KIRREL3: variants seen among roughly 807,000 people sequenced by gnomAD.
KIRREL3 encodes the protein kin of IRRE-like protein 3.
Under a neutral mutation model 89.7 loss-of-function variants are expected in KIRREL3, and 36 were observed. The observed-to-expected ratio is 0.40, with a 90% confidence interval of 0.31 to 0.53. The LOEUF is 0.53. Among genes scored for constraint, KIRREL3 ranks in the 20% least tolerant of loss-of-function variants. KIRREL3 has a pLI of 0.49. For synonymous variants in KIRREL3, 445 were observed against 441.4 expected (o/e 1.01, Z -0.10); for missense variants, 864 against 1,056.6 (o/e 0.82, Z 2.53).
chr11:126,834,133 T>G (rs1410385785), intron 1 of KIRREL3, among the ~76,000 whole-genome samples: 2 of 152,196 alleles, frequency 1.3e-5, no homozygotes, highest in African/African-American at 4.8e-5. Context: ...CTGCAATACA[T>G]AAAGAAATTT....
At chr11:126,450,367 G>A (rs1955999020) in intron 7 of KIRREL3, among the ~76,000 whole-genome samples, 1 of 150,852 alleles carries the variant, frequency 6.6e-6, no homozygotes, top group African/African-American at 2.5e-5. Context: ...ATGTGTGCAT[G>A]TGTGAGTGTG....
In KIRREL3 at chr11:126,989,618, G is replaced by A. The variant is rs1048798211; in HGVS notation, c.55+10837C>T. ...GTTCACGCTGCCTGTGGATCAACTC[G>A]GGATCTCAGACACATCTCGTCACAA... is the stretch of plus-strand genomic sequence containing the variant. On this transcript the variant is annotated intron_variant, in intron 1 of 16. Transcript: ENST00000525144. This position sits in a 1 kb window ranked among gnomAD's most constrained non-coding sequence, Gnocchi z 6.2. Among the ~76,000 whole-genome samples, 1 of 152,102 alleles carries A rather than the reference G, an allele frequency of 6.6e-6. No individual in the cohort carries two copies. The highest frequency in any genetic ancestry group is 1.5e-5 in the Non-Finnish European group (1 of 68,018).
In KIRREL3 at chr11:126,562,133, G is replaced by C. The variant is rs1015959639; in HGVS notation, c.133+702C>G. ...CAAATAGTCTGTGGCATCTGATGGA[G>C]AGGGTTATTAGCTGCATGGAGACAG... On this transcript the variant is annotated intron_variant, in intron 2 of 16. Coordinates refer to ENST00000525144, the MANE Select transcript of KIRREL3 (RefSeq NM_032531.4). The surrounding 1 kb of genome is among the most constrained non-coding windows in gnomAD (Gnocchi z 4.7). Among the ~76,000 whole-genome samples the C allele has an allele frequency of 5.3e-5, 8 of 152,236 alleles. No homozygotes were observed. In the South Asian group the frequency reaches 1.0e-3, roughly 20 times the overall value.
Position 126,531,277 on chromosome 11 carries a change from A to C in KIRREL3, c.134-4590T>G, listed in dbSNP as rs1958935150. Among the ~76,000 whole-genome samples the C allele has an allele frequency of 6.6e-6, 1 of 152,164 alleles. No individual in the cohort carries two copies. The highest frequency in any genetic ancestry group is 1.5e-5 in the Non-Finnish European group (1 of 68,034). ...ACCTGGGCTCTTGCCACAGACTCTG[A>C]ATGTTCTCTTTGCCTGATCCATTAA... On this transcript the variant is annotated intron_variant, in intron 2 of 16. Coordinates refer to ENST00000525144, the MANE Select transcript of KIRREL3 (RefSeq NM_032531.4). This position sits in a 1 kb window ranked among gnomAD's most constrained non-coding sequence, Gnocchi z 4.7.
chr11:126,531,648 G>T lies in KIRREL3; in HGVS notation c.134-4961C>A, dbSNP rs1958948587. ...CTCCCCAGGCAGCTCCTGTGACCCA[G>T]ATGGAATCTTCTTTTTTCTCGTCTT... On this transcript the variant is annotated intron_variant, in intron 2 of 16. Coordinates refer to ENST00000525144, the MANE Select transcript of KIRREL3 (RefSeq NM_032531.4). This position sits in a 1 kb window ranked among gnomAD's most constrained non-coding sequence, Gnocchi z 4.7. Among the ~76,000 whole-genome samples, 1 of 141,324 alleles carries T rather than the reference G, an allele frequency of 7.1e-6. No individual in the cohort carries two copies. Among genetic ancestry groups the T allele is most frequent in the African/African-American group, 2.6e-5 (1 of 38,078 alleles). The allele number at this position is 141,324 out of a possible 152,430, so 92.7% of individuals were successfully genotyped here. A position where few individuals can be genotyped will look rare whatever the true frequency, so the allele number is the denominator to read the frequency against.
intron 1 of KIRREL3, among the ~76,000 whole-genome samples, chr11:126,852,845 G>GC (rs1944387472): frequency 6.6e-6 from 1 of 152,178 alleles, no homozygotes; most frequent in Non-Finnish European, 1.5e-5. Context: ...AGCTCTGGAA[G>GC]GCAGGTGGAC....
Position 126,431,382 on chromosome 11 carries a change from G to A in KIRREL3, c.1696+37C>T. On this transcript the variant is annotated intron_variant, in intron 14 of 16. Coordinates refer to ENST00000525144, the MANE Select transcript of KIRREL3 (RefSeq NM_032531.4). This position sits in a 1 kb window ranked among gnomAD's most constrained non-coding sequence, Gnocchi z 7.1. ...CAGCCTAAGCCTGGCCTTTTTCTCT[G>A]TCCCCCTCCCTGAGATCCCGGATCT... is the stretch of plus-strand genomic sequence containing the variant. 6.2e-7 allele frequency: 1 copy of A among 1,611,496 alleles called. No homozygotes were observed. The highest frequency in any genetic ancestry group is 8.5e-7 in the Non-Finnish European group (1 of 1,178,850).
intron 1 of KIRREL3, among the ~76,000 whole-genome samples, chr11:126,617,350 A>G (rs547860758): frequency 1.3e-5 from 2 of 152,250 alleles, no homozygotes; most frequent in Non-Finnish European, 2.9e-5. Flanking sequence ...GCTGGGAATC[A>G]CTAGATTCAC....
chr11:126,770,241 C>A (rs776809460), intron 1 of KIRREL3, among the ~76,000 whole-genome samples: 58 of 152,190 alleles, frequency 3.8e-4, no homozygotes, highest in Non-Finnish European at 7.1e-4. Flanking sequence ...CCGTTCACAT[C>A]CTTTCTCTTG....
intron 1 of KIRREL3, among the ~76,000 whole-genome samples, chr11:126,957,477 G>C (rs1948956906): frequency 1.3e-5 from 2 of 152,172 alleles, no homozygotes; most frequent in African/African-American, 2.4e-5. Flanking sequence ...CTTGTCAAAG[G>C]CTGCCACGGG....
At chr11:126,856,571 ATATATATATATATATATATATATATG>A (rs1181823846) in intron 1 of KIRREL3, among the ~76,000 whole-genome samples, 2 of 5,022 alleles carry the variant, frequency 4.0e-4, no homozygotes, top group Non-Finnish European at 7.1e-4. Flanking sequence ...ATATATATAT[ATATATATATATATATATATATATATG>A]TATATATACA....
At chr11:126,658,428 T>G (rs943107909) in intron 1 of KIRREL3, among the ~76,000 whole-genome samples, 21 of 152,324 alleles carry the variant, frequency 1.4e-4, no homozygotes, top group Admixed American at 1.4e-3. Context: ...TGGAGGTGAC[T>G]CAGATGTACC....
At chr11:126,633,789 C>T (rs1016952310) in intron 1 of KIRREL3, among the ~76,000 whole-genome samples, 1 of 152,130 alleles carries the variant, frequency 6.6e-6, no homozygotes, top group Non-Finnish European at 1.5e-5. Context: ...CATCATCCAT[C>T]AGTGTATGTT....
chr11:126,530,912 C>A lies in KIRREL3; in HGVS notation c.134-4225G>T, dbSNP rs751164024. Among the ~76,000 whole-genome samples the A allele has an allele frequency of 5.3e-5, 8 of 151,930 alleles. No individual in the cohort carries two copies. The highest frequency in any genetic ancestry group is 2.1e-4 in the South Asian group (1 of 4,814). ...GTGGTGCGATCTCCGCTCATTGCAA[C>A]CTTTGCCTCCCGGGTTCAAGCGATT... On this transcript the variant is annotated intron_variant, in intron 2 of 16. Coordinates refer to ENST00000525144, the MANE Select transcript of KIRREL3 (RefSeq NM_032531.4). This position sits in a 1 kb window ranked among gnomAD's most constrained non-coding sequence, Gnocchi z 5.8.
chr11:126,567,981 C>A (rs555818995), intron 1 of KIRREL3, among the ~76,000 whole-genome samples: 3 of 152,260 alleles, frequency 2.0e-5, no homozygotes, highest in East Asian at 3.9e-4. Context: ...TGCCCAGTCA[C>A]AACAGTTCAG....
In KIRREL3 at chr11:126,424,967, C is replaced by A; in HGVS notation, c.1950G>T (p.Pro650=). 6.3e-7 allele frequency: 1 copy of A among 1,583,578 alleles called. No homozygotes were observed. The highest frequency in any genetic ancestry group is 8.6e-7 in the Non-Finnish European group (1 of 1,162,716). Residue 650 remains proline, a synonymous_variant, in exon 17 of 17, where the codon CCG becomes CCT. Transcript: ENST00000525144. ...GCTGGCAGCTGGAGAGGGAGATGGT[C>A]GGGGTTGAGTGGTGCTCTTTGAAGG... ...VNTFKEHHST[P]TISLSSCQPD...
chr11:126,711,242 G>A (rs980474215), intron 1 of KIRREL3, among the ~76,000 whole-genome samples: 6 of 152,304 alleles, frequency 3.9e-5, no homozygotes, highest in East Asian at 1.9e-4. Flanking sequence ...TGCCTGATGC[G>A]CGAGCACATA....
Position 126,891,165 on chromosome 11 carries a change from ACAG to A in KIRREL3, c.55+109287_55+109289del. On this transcript the variant is annotated intron_variant, in intron 1 of 16. Transcript: ENST00000525144. This position sits in a 1 kb window ranked among gnomAD's most constrained non-coding sequence, Gnocchi z 5.1. Reference sequence around the variant, plus strand: ...CATGGGTTTGAAGTGTACATAAGCCACAGTGGAAACATCTGAGAAGCGTCCCAA... The same window carrying A: ...CATGGGTTTGAAGTGTACATAAGCCATGGAAACATCTGAGAAGCGTCCCAA... 6.6e-6 allele frequency among the ~76,000 whole-genome samples: 1 copy of A among 152,224 alleles called. No individual in the cohort carries two copies. The highest frequency in any genetic ancestry group is 1.5e-5 in the Non-Finnish European group (1 of 68,042).
At chr11:126,963,934 A>G (rs1029598647) in intron 1 of KIRREL3, among the ~76,000 whole-genome samples, 7 of 152,186 alleles carry the variant, frequency 4.6e-5, no homozygotes, top group African/African-American at 7.2e-5. Flanking sequence ...GCACTTGTCC[A>G]TAACGGAAGA....
Sources: gnomAD v4.1 joint callset for allele counts (sites outside exome capture counted in the v4.1 genomes callset) on GRCh38, gnomAD v4.1.1 for gene constraint, Gnocchi (gnomAD v3.1) non-coding constraint, MANE v1.5 for transcripts, NCBI Gene and HGNC (gene_info 2026-07-23, HGNC 2026-07-21) for gene names.